Variants in EPB41 observed in about 807,000 individuals in gnomAD.
EPB41 encodes the protein erythrocyte membrane protein band 4.1.
Under a neutral mutation model 108.0 loss-of-function variants are expected in EPB41, and 65 were observed. The ratio of observed to expected loss-of-function variants is 0.60; its 90% confidence interval spans 0.49 to 0.74. The LOEUF is 0.74. Among genes scored for constraint, EPB41 ranks in the 30% least tolerant of loss-of-function variants. EPB41 has a pLI of 0.00. For synonymous variants in EPB41, 336 were observed against 358.9 expected (o/e 0.94, Z 0.72); for missense variants, 875 against 1,037.0 (o/e 0.84, Z 2.15).
chr1:29,026,538 A>C (rs2096721591), intron 7 of EPB41, among the ~76,000 whole-genome samples: 1 of 152,216 alleles, frequency 6.6e-6, no homozygotes, highest in Admixed American at 6.5e-5. Flanking sequence ...ATCTGGGGCA[A>C]TTTAAGCATC....
rs1553174370 is a variant in EPB41 at position 28,934,666 on chromosome 1, T to TTTGTGTGTGTGTGTG, written c.-8+19899_-8+19900insTGTGTGTGTGTGTGT. 8.5e-3 allele frequency among the ~76,000 whole-genome samples: 1,161 copies of TTTGTGTGTGTGTGTG among 136,398 alleles called. 23 individuals carry two copies. Among genetic ancestry groups the TTTGTGTGTGTGTGTG allele is most frequent in the African/African-American group, 0.028 (975 of 34,654 alleles). 89.5% of individuals were successfully genotyped at this position (136,398 alleles called of 152,430 possible). On this transcript the variant is annotated intron_variant, in intron 1 of 20. Coordinates refer to ENST00000343067, the MANE Select transcript of EPB41 (RefSeq NM_001376013.1). ...TGGTTGGCCTCTGGTTCTTTTGACA[T>TTTGTGTGTGTGTGTG]TGTGTGTGTGTGTGTGTGTGTGTGT... is the stretch of plus-strand genomic sequence containing the variant.
intron 16 of EPB41, among the ~76,000 whole-genome samples, chr1:29,095,182 G>A (rs998186043): frequency 2.6e-5 from 4 of 152,120 alleles, no homozygotes; most frequent in African/African-American, 9.7e-5. Context: ...TGTGGAGTGA[G>A]GTATTTGGCC....
intron 1 of EPB41, among the ~76,000 whole-genome samples, chr1:28,948,839 C>T (rs926813878): frequency 6.6e-6 from 1 of 152,042 alleles, no homozygotes; most frequent in South Asian, 2.1e-4. Context: ...GTCCCAGCTA[C>T]TCGGGAGGCT....
chr1:29,099,548 G>A (rs762238294), intron 17 of EPB41, among the ~76,000 whole-genome samples: 1 of 152,012 alleles, frequency 6.6e-6, no homozygotes, highest in Non-Finnish European at 1.5e-5. Flanking sequence ...AAATTCCTGG[G>A]CTCAGAGGAT....
intron 16 of EPB41, chr1:29,070,518 A>C: frequency 8.1e-7 from 1 of 1,232,094 alleles, no homozygotes; most frequent in East Asian, 3.2e-5. Context: ...AAAAAGTGCC[A>C]CCTCTACTTT....
In EPB41 at chr1:28,921,103, T is replaced by C. The variant is rs571914022; in HGVS notation, c.-8+6335T>C. 3.9e-5 allele frequency among the ~76,000 whole-genome samples: 6 copies of C among 152,306 alleles called. No homozygotes were observed. The East Asian group carries it at 1.2e-3, about 29-fold the overall frequency. Reference sequence around the variant, plus strand: ...GTTTTGAATTGGTTAAATTTAAGCCTGTAACCCATACGTGTAATAGAAATG... The same window carrying C: ...GTTTTGAATTGGTTAAATTTAAGCCCGTAACCCATACGTGTAATAGAAATG... On this transcript the variant is annotated intron_variant, in intron 1 of 20. Coordinates refer to ENST00000343067, the MANE Select transcript of EPB41 (RefSeq NM_001376013.1).
At chr1:28,933,325 C>T (rs1372754641) in intron 1 of EPB41, among the ~76,000 whole-genome samples, 2 of 152,184 alleles carry the variant, frequency 1.3e-5, no homozygotes, top group African/African-American at 4.8e-5. Context: ...CACACCTTAG[C>T]TGGTGGTATT....
intron 1 of EPB41, among the ~76,000 whole-genome samples, chr1:28,977,159 T>A (rs1291128812): frequency 1.3e-5 from 2 of 152,156 alleles, no homozygotes; most frequent in Non-Finnish European, 2.9e-5. Context: ...AGTGGTTTTT[T>A]ATTTTTTTTC....
intron 18 of EPB41, 33 bp downstream of exon 18, chr1:29,109,470 C>G (rs758047924): frequency 6.3e-7 from 1 of 1,583,452 alleles, no homozygotes; most frequent in Admixed American, 1.7e-5. Context: ...TTTATGGAAC[C>G]CAGGGGCAGG....
intron 15 of EPB41, among the ~76,000 whole-genome samples, chr1:29,064,585 C>T (rs1008967517): frequency 6.6e-6 from 1 of 152,188 alleles, no homozygotes; most frequent in Non-Finnish European, 1.5e-5. Context: ...GTTGCTATCT[C>T]CATCCTCCTA....
chr1:28,958,286 C>T (rs945009940), intron 1 of EPB41, among the ~76,000 whole-genome samples: 2 of 151,840 alleles, frequency 1.3e-5, no homozygotes, highest in Non-Finnish European at 2.9e-5. Flanking sequence ...CTGTTTGTAT[C>T]AAAAATACAA....
intron 2 of EPB41, among the ~76,000 whole-genome samples, chr1:28,988,789 T>C (rs2095934520): frequency 1.3e-5 from 2 of 152,180 alleles, no homozygotes. Flanking sequence ...TGGGCTCAAG[T>C]GATCCTCCCA....
At chr1:28,964,831 A>G (rs996295519) in intron 1 of EPB41, among the ~76,000 whole-genome samples, 6 of 152,212 alleles carry the variant, frequency 3.9e-5, no homozygotes, top group South Asian at 2.1e-4. Context: ...TCGGGTGCAC[A>G]TGCTTTTTCT....
chr1:29,067,385 A>G (rs2151044449), intron 16 of EPB41, among the ~76,000 whole-genome samples: 1 of 150,846 alleles, frequency 6.6e-6, no homozygotes, highest in African/African-American at 2.4e-5. Flanking sequence ...AGTCCCAGCT[A>G]CTTGGGAGGC....
rs10580931 is a variant in EPB41, at chr1:29,034,973, GTTT to G, written c.1366-831_1366-829del. 4.8e-3 allele frequency among the ~76,000 whole-genome samples: 415 copies of G among 87,180 alleles called. 1 individual carries two copies. The highest frequency in any genetic ancestry group is 0.012 in the African/African-American group (299 of 24,860). 57.2% of individuals were successfully genotyped at this position (87,180 alleles called of 152,430 possible). On this transcript the variant is annotated intron_variant, in intron 9 of 20. Transcript: ENST00000343067. Reference sequence around the variant, plus strand: ...TGTTTCTTGGGTTTGTTTGTTTGTTGTTTTTTTTTTTTTTTTTTTTTTTTGGAA... The same window carrying G: ...TGTTTCTTGGGTTTGTTTGTTTGTTGTTTTTTTTTTTTTTTTTTTTTGGAA...
intron 12 of EPB41, among the ~76,000 whole-genome samples, chr1:29,057,972 A>T (rs1645842009): frequency 6.6e-6 from 1 of 152,220 alleles, no homozygotes; most frequent in Non-Finnish European, 1.5e-5. Flanking sequence ...TTCATGTGTC[A>T]GTTACAATTT....
chr1:29,109,862 C>T (rs1217642562), intron 18 of EPB41: 3 of 261,608 alleles, frequency 1.1e-5, no homozygotes, highest in African/African-American at 2.2e-5. Context: ...GGTAAAACCC[C>T]GTCTCTACTA....
chr1:29,082,670 ATAACCTT>A (rs1353070978), intron 16 of EPB41, among the ~76,000 whole-genome samples: 3 of 152,168 alleles, frequency 2.0e-5, no homozygotes, highest in Non-Finnish European at 4.4e-5. Flanking sequence ...CATGCTTAGT[ATAACCTT>A]TAATATTTGC....
intron 2 of EPB41, among the ~76,000 whole-genome samples, chr1:28,991,872 A>G (rs1281266499): frequency 6.6e-6 from 1 of 152,296 alleles, no homozygotes; most frequent in African/African-American, 2.4e-5. Flanking sequence ...GGATATAATA[A>G]TACTACGTGC....
Sources: gnomAD v4.1 joint callset for allele counts (sites outside exome capture counted in the v4.1 genomes callset) on GRCh38, gnomAD v4.1.1 for gene constraint, MANE v1.5 for transcripts, NCBI Gene and HGNC (gene_info 2026-07-23, HGNC 2026-07-21) for gene names.